The following CARMIL1 variants were observed in gnomAD, a reference collection of about 807,000 sequenced individuals.
The protein encoded by CARMIL1 is F-actin-uncapping protein LRRC16A.
In CARMIL1, 90 loss-of-function variants were observed where a neutral mutation model predicts 177.1. The ratio of observed to expected loss-of-function variants is 0.51; its 90% confidence interval spans 0.43 to 0.61. CARMIL1 has a LOEUF of 0.61. CARMIL1 is among the 20% of genes least tolerant of loss of function. The pLI is 0.00. For missense variants in CARMIL1, 1,380 were observed against 1,667.0 expected, an observed-to-expected ratio of 0.83 and a Z score of 3.00; for synonymous variants, 577 against 606.2, an observed-to-expected ratio of 0.95 and a Z score of 0.71.
intron 31 of CARMIL1, among the ~76,000 whole-genome samples, chr6:25,586,497 C>T (rs1279055269): frequency 6.8e-6 from 1 of 147,648 alleles, no homozygotes. Flanking sequence ...AGGGGCTCCT[C>T]ACATCCCAGA....
At chr6:25,416,357 C>T (rs1443828653) in intron 2 of CARMIL1, among the ~76,000 whole-genome samples, 1 of 152,154 alleles carries the variant, frequency 6.6e-6, no homozygotes, top group Non-Finnish European at 1.5e-5. Flanking sequence ...CCAGACCATC[C>T]AGGCTCAAAT....
At position 25,293,155 on chromosome 6, in the gene CARMIL1, T is replaced by C. The variant is rs201592567; in HGVS notation, c.138+8246T>C. Among the ~76,000 whole-genome samples, 7 of 151,938 alleles carry C rather than the reference T, an allele frequency of 4.6e-5. No individual in the cohort carries two copies. The East Asian group carries it at 1.3e-3, about 29-fold the overall frequency. On this transcript the variant is annotated intron_variant, in intron 2 of 36. Coordinates refer to ENST00000329474, the MANE Select transcript of CARMIL1 (RefSeq NM_017640.6). Reference sequence around the variant, plus strand: ...GGATTGGTATATATGGGGTATATCATTGTCTAAATCTTTACGTTACTGTGT... The same window carrying C: ...GGATTGGTATATATGGGGTATATCACTGTCTAAATCTTTACGTTACTGTGT...
At chr6:25,537,776 C>T in intron 24 of CARMIL1, 79 bp from the exon 25 acceptor site, 33 of 1,531,570 alleles carry the variant, frequency 2.2e-5, no homozygotes, top group Non-Finnish European at 2.9e-5. Flanking sequence ...TTTTTTCATA[C>T]TCCTTCGTTC....
chr6:25,420,124 C>G lies in CARMIL1; in HGVS notation c.149C>G (p.Ser50Ter). 1 of 1,613,420 alleles carries G rather than the reference C, an allele frequency of 6.2e-7. No individual in the cohort carries two copies. The highest frequency in any genetic ancestry group is 8.5e-7 in the Non-Finnish European group (1 of 1,179,430). ...GCTTCTGTCTTACAGGTCCTTACAT[C>G]ATGCCGAGCCTTCCTTGTAACAGCG... is the stretch of plus-strand genomic sequence containing the variant. Reference protein sequence around the residue: ...KVENKVLVLTSCRAFLVTARI... With the variant: ...KVENKVLVLT Residue 50 changes from serine to a stop codon, truncating the protein, a stop_gained, in exon 3 of 37, where the codon TCA becomes TGA. Coordinates refer to ENST00000329474, the MANE Select transcript of CARMIL1 (RefSeq NM_017640.6). LOFTEE classifies it high-confidence loss of function.
intron 32 of CARMIL1, among the ~76,000 whole-genome samples, chr6:25,599,830 T>G (rs1258547583): frequency 4.6e-5 from 7 of 152,152 alleles, no homozygotes; most frequent in African/African-American, 1.4e-4. Flanking sequence ...ATGACTATCT[T>G]GAGTAATGGA....
At chr6:25,534,074 T>C (rs1480260021) in intron 24 of CARMIL1, among the ~76,000 whole-genome samples, 1 of 151,996 alleles carries the variant, frequency 6.6e-6, no homozygotes, top group Non-Finnish European at 1.5e-5. Context: ...TTATTTATAC[T>C]ACGAGCTCTC....
chr6:25,612,805 A>G, intron 36 of CARMIL1: 1 of 985,244 alleles, frequency 1.0e-6, no homozygotes, highest in Non-Finnish European at 1.2e-6. Flanking sequence ...CAGTAGAGGG[A>G]AAAGATCTTC....
intron 8 of CARMIL1, among the ~76,000 whole-genome samples, chr6:25,461,871 C>T (rs542102632): frequency 6.6e-6 from 1 of 151,866 alleles, no homozygotes; most frequent in Non-Finnish European, 1.5e-5. Context: ...TATTTTTTCT[C>T]TTTTTTAAAC....
chr6:25,451,920 A>G (rs1798965046), intron 8 of CARMIL1: 1 of 590,348 alleles, frequency 1.7e-6, no homozygotes, highest in Non-Finnish European at 3.0e-6. Context: ...CATTTGTGCC[A>G]TTTGGACAAC....
chr6:25,572,250 G>A (rs1392132406), intron 29 of CARMIL1, among the ~76,000 whole-genome samples: 2 of 152,106 alleles, frequency 1.3e-5, no homozygotes, highest in Admixed American at 6.5e-5. Context: ...GTGACAAAAT[G>A]TTAACAATTG....
rs561888159 is a variant in CARMIL1, at chr6:25,447,652, C to G, written c.372-2246C>G. Among the ~76,000 whole-genome samples the G allele has an allele frequency of 3.3e-5, 5 of 152,216 alleles. No individual in the cohort carries two copies. In the South Asian group the frequency reaches 8.3e-4, roughly 25 times the overall value. ...TGACCTCTTCACCTCTACCCTACTTCCACTTGCTTTTGTGGCCACATGACC... is the reference window on the plus strand; with the variant it reads ...TGACCTCTTCACCTCTACCCTACTTGCACTTGCTTTTGTGGCCACATGACC... On this transcript the variant is annotated intron_variant, in intron 5 of 36. Transcript: ENST00000329474.
At chr6:25,474,756 A>G (rs192573773) in intron 11 of CARMIL1, among the ~76,000 whole-genome samples, 274 of 152,368 alleles carry the variant, frequency 1.8e-3, no homozygotes, top group African/African-American at 6.4e-3. Context: ...GTGACAAAGT[A>G]GAAATCATGG....
At chr6:25,283,421 A>G (rs1201497884) in intron 1 of CARMIL1, among the ~76,000 whole-genome samples, 3 of 152,136 alleles carry the variant, frequency 2.0e-5, no homozygotes, top group Non-Finnish European at 4.4e-5. Context: ...TGGAGGAGGT[A>G]GATTTTAGGA....
chr6:25,392,812 C>T (rs1013250715), intron 2 of CARMIL1, among the ~76,000 whole-genome samples: 10 of 151,932 alleles, frequency 6.6e-5, no homozygotes, highest in Non-Finnish European at 1.3e-4. Flanking sequence ...ACTATTATGC[C>T]ATTTTAATAA....
intron 11 of CARMIL1, among the ~76,000 whole-genome samples, chr6:25,476,821 T>C (rs1322306313): frequency 6.6e-6 from 1 of 151,990 alleles, no homozygotes; most frequent in Non-Finnish European, 1.5e-5. Flanking sequence ...CTGGGCGCGG[T>C]GGCTCACGAC....
chr6:25,534,855 G>A (rs1808130983), intron 24 of CARMIL1, among the ~76,000 whole-genome samples: 1 of 152,116 alleles, frequency 6.6e-6, no homozygotes, highest in South Asian at 2.1e-4. Context: ...TATTTCTCTT[G>A]AATGGAATAA....
chr6:25,607,965 T>C (rs890372892), intron 35 of CARMIL1, among the ~76,000 whole-genome samples: 3 of 152,180 alleles, frequency 2.0e-5, no homozygotes, highest in African/African-American at 7.2e-5. Flanking sequence ...ACACAAAAAA[T>C]TTCTTGGTCC....
chr6:25,338,463 T>A (rs1325873447), intron 2 of CARMIL1, among the ~76,000 whole-genome samples: 2 of 152,178 alleles, frequency 1.3e-5, no homozygotes, highest in East Asian at 3.8e-4. Flanking sequence ...CCTCATTTTC[T>A]GTGCATAAGA....
intron 9 of CARMIL1, among the ~76,000 whole-genome samples, chr6:25,467,649 C>T (rs1800737708): frequency 6.6e-6 from 1 of 152,170 alleles, no homozygotes; most frequent in East Asian, 1.9e-4. Flanking sequence ...CTAATCATTT[C>T]AGTCCTGGCA....
Sources: gnomAD v4.1 joint callset for allele counts (sites outside exome capture counted in the v4.1 genomes callset) on GRCh38, gnomAD v4.1.1 for gene constraint, MANE v1.5 for transcripts, NCBI Gene and HGNC (gene_info 2026-07-23, HGNC 2026-07-21) for gene names.